N4BP2L2: variants seen among roughly 807,000 people sequenced by gnomAD.
N4BP2L2 encodes the protein NEDD4 binding protein 2 like 2.
In N4BP2L2, 50 loss-of-function variants were observed where a neutral mutation model predicts 56.2. The observed-to-expected ratio is 0.89, with a 90% CI of 0.71 to 1.13. The LOEUF (loss-of-function observed/expected upper bound fraction) is 1.13, where lower values mean the gene tolerates loss of function less well. Ranked by LOEUF, N4BP2L2 falls within the 50% of genes most tolerant of loss-of-function variation. The probability of loss-of-function intolerance (pLI) is 0.00; values close to 1 mark genes in which losing one functional copy is unlikely to be tolerated. For missense variants in N4BP2L2, 689 were observed against 693.8 expected (o/e 0.99, Z 0.08); for synonymous variants, 203 against 223.6 (o/e 0.91, Z 0.82).
intron 2 of N4BP2L2, 113 bp downstream of exon 2, chr13:32,535,655 TG>T: frequency 8.7e-7 from 1 of 1,152,430 alleles, no homozygotes; most frequent in Non-Finnish European, 1.2e-6. Flanking sequence ...TGGTCCACCC[TG>T]GCCTCCCAAA....
rs1200215802 is a variant in N4BP2L2, at chr13:32,477,743, G to GTT, written c.366-33618_366-33617insAA. 1.4e-5 allele frequency: 8 copies of GTT among 556,570 alleles called. No individual in the cohort carries two copies. The African/African-American group carries it at 1.6e-4, about 11-fold the overall frequency. 34.5% of individuals were successfully genotyped at this position (556,570 alleles called of 1,614,324 possible). On this transcript the variant is annotated intron_variant, in intron 6 of 9. Coordinates refer to the N4BP2L2 transcript ENST00000357505. Reference sequence around the variant, plus strand: ...TTTCTTAGCTTAGATGGAACCTTGAGCCTAAGTGGTAAAAGCTCTGTTCCA... The same window carrying GTT: ...TTTCTTAGCTTAGATGGAACCTTGAGTTCCTAAGTGGTAAAAGCTCTGTTCCA...
intron 6 of N4BP2L2, among the ~76,000 whole-genome samples, chr13:32,451,037 A>T (rs1456313340): frequency 6.6e-6 from 1 of 152,188 alleles, no homozygotes; most frequent in East Asian, 1.9e-4. Context: ...ACTTAAAGGG[A>T]TATTTGCATA....
At chr13:32,438,994 T>C (rs1181208258) in intron 7 of N4BP2L2, among the ~76,000 whole-genome samples, 1 of 152,268 alleles carries the variant, frequency 6.6e-6, no homozygotes, top group East Asian at 1.9e-4. Flanking sequence ...TCGTCCAATC[T>C]AGCCAAACAA....
At chr13:32,447,511 A>C (rs1385794066) in intron 6 of N4BP2L2, among the ~76,000 whole-genome samples, 1 of 152,228 alleles carries the variant, frequency 6.6e-6, no homozygotes, top group Non-Finnish European at 1.5e-5. Flanking sequence ...TATGAGGAAA[A>C]AGATAAGAAT....
chr13:32,457,117 C>A, intron 6 of N4BP2L2, among the ~76,000 whole-genome samples: 1 of 152,090 alleles, frequency 6.6e-6, no homozygotes, highest in East Asian at 1.9e-4. Flanking sequence ...CCAGCCTGGG[C>A]AACAGAGCGA....
chr13:32,490,951 G>A (rs1399425979), intron 6 of N4BP2L2, among the ~76,000 whole-genome samples: 2 of 148,036 alleles, frequency 1.4e-5, no homozygotes, highest in South Asian at 4.3e-4. Context: ...GAAATACAAT[G>A]TTTAGTTTTG....
intron 7 of N4BP2L2, among the ~76,000 whole-genome samples, chr13:32,439,609 A>C (rs1157147338): frequency 6.6e-6 from 1 of 152,210 alleles, no homozygotes; most frequent in East Asian, 1.9e-4. Flanking sequence ...TTGGACTACG[A>C]TCTCAGAACT....
At chr13:32,448,044 C>T (rs2077305579) in intron 6 of N4BP2L2, among the ~76,000 whole-genome samples, 2 of 152,218 alleles carry the variant, frequency 1.3e-5, no homozygotes, top group Admixed American at 1.3e-4. Flanking sequence ...GTATGAAAAT[C>T]TGACTCCACA....
intron 6 of N4BP2L2, chr13:32,477,708 C>A: frequency 2.4e-6 from 1 of 408,626 alleles, no homozygotes; most frequent in Non-Finnish European, 4.2e-6. Flanking sequence ...AAAAATAGAC[C>A]TAATCGTCAT....
At chr13:32,466,136 C>T (rs576888618) in intron 6 of N4BP2L2, among the ~76,000 whole-genome samples, 3 of 152,160 alleles carry the variant, frequency 2.0e-5, no homozygotes, top group African/African-American at 7.2e-5. Context: ...AATCTGAAAA[C>T]AACCCATCTA....
Position 32,487,627 on chromosome 13 carries a change from G to A in N4BP2L2, c.365+30230C>T, listed in dbSNP as rs111980626. Reference sequence around the variant, plus strand: ...GAAGAGGTTGCAGTGAGCCAAGATCGCGCCACTGCACTCCAGCCTGGGCAA... The same window carrying A: ...GAAGAGGTTGCAGTGAGCCAAGATCACGCCACTGCACTCCAGCCTGGGCAA... On this transcript the variant is annotated intron_variant, in intron 6 of 9. Coordinates refer to the N4BP2L2 transcript ENST00000357505. Among the ~76,000 whole-genome samples, 1,066 of 151,020 alleles carry A rather than the reference G, an allele frequency of 7.1e-3. 17 individuals are homozygous for A. Among genetic ancestry groups the A allele is most frequent in the African/African-American group, 0.024 (1,004 of 41,102 alleles).
intron 6 of N4BP2L2, chr13:32,478,344 C>A: frequency 4.0e-6 from 1 of 252,600 alleles, no homozygotes; most frequent in Non-Finnish European, 8.0e-6. Flanking sequence ...AACTATATAA[C>A]GCAATTTCTT....
intron 6 of N4BP2L2, among the ~76,000 whole-genome samples, chr13:32,474,191 T>C (rs1243538615): frequency 6.6e-6 from 1 of 152,178 alleles, no homozygotes; most frequent in Non-Finnish European, 1.5e-5. Flanking sequence ...ATATAGATAT[T>C]CATATATACA....
intron 6 of N4BP2L2, among the ~76,000 whole-genome samples, chr13:32,465,944 G>T (rs555234219): frequency 4.6e-5 from 7 of 152,156 alleles, no homozygotes; most frequent in African/African-American, 1.4e-4. Context: ...GAGCCACCAC[G>T]CCTGGCCTAG....
Position 32,460,856 on chromosome 13 carries a change from C to T in N4BP2L2, c.366-16730G>A, listed in dbSNP as rs138410166. On this transcript the variant is annotated intron_variant, in intron 6 of 9. Coordinates refer to the N4BP2L2 transcript ENST00000357505. ...AAAAAACAAAGCTTGTAGCATCACA[C>T]TACCTGACTTATAAGGCTATAGTAA... Among the ~76,000 whole-genome samples the T allele has an allele frequency of 1.1e-3, 162 of 152,180 alleles. 3 individuals are homozygous for T. The highest frequency in any genetic ancestry group is 3.8e-3 in the African/African-American group (157 of 41,536).
intron 6 of N4BP2L2, among the ~76,000 whole-genome samples, chr13:32,487,935 T>G (rs1207535083): frequency 1.3e-5 from 2 of 152,092 alleles, no homozygotes; most frequent in Non-Finnish European, 2.9e-5. Context: ...ATTGGCTCAT[T>G]GAAACCTCCA....
At chr13:32,487,865 ATT>A (rs67976150) in intron 6 of N4BP2L2, among the ~76,000 whole-genome samples, 3 of 148,724 alleles carry the variant, frequency 2.0e-5, no homozygotes, top group African/African-American at 2.5e-5. Flanking sequence ...AATTTATTTG[ATT>A]TTTTTTTTTG....
intron 6 of N4BP2L2, among the ~76,000 whole-genome samples, chr13:32,489,482 C>A (rs573393334): frequency 6.6e-6 from 1 of 152,254 alleles, no homozygotes; most frequent in South Asian, 2.1e-4. Flanking sequence ...TTTAAGAATA[C>A]AGATTATAAA....
chr13:32,523,973 G>A (rs746135516), intron 3 of N4BP2L2: 17 of 152,136 alleles, frequency 1.1e-4, no homozygotes, highest in Non-Finnish European at 2.4e-4. Flanking sequence ...AAAGAAGCCT[G>A]AAGCAAAATG....
Sources: gnomAD v4.1 joint callset for allele counts (sites outside exome capture counted in the v4.1 genomes callset) on GRCh38, gnomAD v4.1.1 for gene constraint, MANE v1.5 for transcripts, NCBI Gene and HGNC (gene_info 2026-07-23, HGNC 2026-07-21) for gene names.